The following GPRIN3 variants were observed in gnomAD, a reference collection of about 807,000 sequenced individuals.
GPRIN3 encodes GPRIN family member 3, also known as G protein-regulated inducer of neurite outgrowth 3.
GPRIN3 carries 12 observed loss-of-function variants against 13.7 expected under a neutral mutation model. That is an observed-to-expected ratio of 0.87 (90% CI 0.56 to 1.42). The LOEUF is 1.42. Ranked by LOEUF, GPRIN3 falls within the 40% of genes most tolerant of loss-of-function variation. The pLI, the probability that GPRIN3 is intolerant of heterozygous loss-of-function variation, is 0.00. For synonymous variants in GPRIN3, 377 were observed against 372.7 expected (o/e 1.01, Z -0.13); for missense variants, 1,009 against 958.7 (o/e 1.05, Z -0.69).
chr4:89,264,135 G>T (rs562434945), intron 1 of GPRIN3, among the ~76,000 whole-genome samples: 74 of 152,286 alleles, frequency 4.9e-4, no homozygotes, highest in African/African-American at 1.7e-3. Flanking sequence ...AATCCCCAGT[G>T]TTGGAGGTGG....
At chr4:89,255,329 A>C (rs1242500061) in intron 1 of GPRIN3, among the ~76,000 whole-genome samples, 9 of 152,322 alleles carry the variant, frequency 5.9e-5, no homozygotes, top group Middle Eastern at 3.4e-3. Flanking sequence ...GGCCTTTAGA[A>C]CAAACAGCAA....
At chr4:89,295,851 C>G (rs1485225630) in intron 1 of GPRIN3, among the ~76,000 whole-genome samples, 1 of 151,994 alleles carries the variant, frequency 6.6e-6, no homozygotes, top group Non-Finnish European at 1.5e-5. Context: ...TTTTTTTTAA[C>G]TCAATATTTT....
At chr4:89,278,924 C>T (rs909968429) in intron 1 of GPRIN3, among the ~76,000 whole-genome samples, 2 of 152,182 alleles carry the variant, frequency 1.3e-5, no homozygotes, top group Admixed American at 6.5e-5. Context: ...ATGGTAGAGG[C>T]CTGTCACTGG....
At position 89,243,195 on chromosome 4, in the gene GPRIN3, G is replaced by C. The variant is rs552022495; in HGVS notation, c.*4585C>G. On this transcript the variant is annotated 3_prime_UTR_variant, in exon 2 of 2. Coordinates refer to ENST00000609438, the MANE Select transcript of GPRIN3 (RefSeq NM_198281.3). ...CCAAGGAGAATTGTTTTCTTTCCAA[G>C]AGTAGGATAAAGTTCATGGAAATCT... 3 of 152,158 alleles carry C rather than the reference G, an allele frequency of 2.0e-5. No individual in the cohort carries two copies. The highest frequency in any genetic ancestry group is 7.2e-5 in the African/African-American group (3 of 41,424). 9.4% of individuals were successfully genotyped at this position (152,158 alleles called of 1,614,324 possible). A position where few individuals can be genotyped will look rare whatever the true frequency, so the allele number is the denominator to read the frequency against.
At chr4:89,255,666 G>T (rs189263159) in intron 1 of GPRIN3, among the ~76,000 whole-genome samples, 320 of 152,296 alleles carry the variant, frequency 2.1e-3, no homozygotes, top group Non-Finnish European at 3.1e-3. Context: ...AATTCTTGCT[G>T]AAAGCATGGT....
Position 89,237,259 on chromosome 4 carries a change from A to T in GPRIN3, c.*10521T>A, listed in dbSNP as rs886252043. On this transcript the variant is annotated 3_prime_UTR_variant, in exon 2 of 2. Coordinates refer to ENST00000609438, the MANE Select transcript of GPRIN3 (RefSeq NM_198281.3). ...TGCTAAGGTAGTTACAAGGGTCTAA[A>T]CATTTTAGAACTCTGTCAATTAGCT... 5 of 152,234 alleles carry T rather than the reference A, an allele frequency of 3.3e-5. No homozygotes were observed. Among genetic ancestry groups the T allele is most frequent in the Admixed American group, 6.5e-5 (1 of 15,276 alleles). 9.4% of individuals were successfully genotyped at this position (152,234 alleles called of 1,614,324 possible). A position where few individuals can be genotyped will look rare whatever the true frequency, so the allele number is the denominator to read the frequency against.
chr4:89,277,569 G>T (rs143426612), intron 1 of GPRIN3, among the ~76,000 whole-genome samples: 1 of 152,188 alleles, frequency 6.6e-6, no homozygotes, highest in African/African-American at 2.4e-5. Flanking sequence ...TGTCTTCCCC[G>T]TCTGCCAACT....
Position 89,245,034 on chromosome 4 carries a change from T to C in GPRIN3, c.*2746A>G, listed in dbSNP as rs1723053157. On this transcript the variant is annotated 3_prime_UTR_variant, in exon 2 of 2. Transcript: ENST00000609438. ...CTTCATCTGTTGAATGAACCTTAGG[T>C]TTCACAAATAAGGTATACTAAATGC... 1 of 152,158 alleles carries C rather than the reference T, an allele frequency of 6.6e-6. No homozygotes were observed. The highest frequency in any genetic ancestry group is 2.4e-5 in the African/African-American group (1 of 41,432). The allele number at this position is 152,158 out of a possible 1,614,324, so 9.4% of individuals were successfully genotyped here. A position where few individuals can be genotyped will look rare whatever the true frequency, so the allele number is the denominator to read the frequency against.
intron 1 of GPRIN3, among the ~76,000 whole-genome samples, chr4:89,264,527 C>T (rs1449252554): frequency 6.6e-6 from 1 of 152,170 alleles, no homozygotes; most frequent in Non-Finnish European, 1.5e-5. Flanking sequence ...CTTCTCTTCC[C>T]TGCATACTTG....
chr4:89,270,565 T>TA (rs1553951326), intron 1 of GPRIN3, among the ~76,000 whole-genome samples: 6 of 82,348 alleles, frequency 7.3e-5, no homozygotes, highest in African/African-American at 2.7e-4. Flanking sequence ...TGTATATAAT[T>TA]TATATATATA....
chr4:89,299,010 G>C (rs1054393990), intron 1 of GPRIN3, among the ~76,000 whole-genome samples: 2 of 152,106 alleles, frequency 1.3e-5, no homozygotes, highest in African/African-American at 2.4e-5. Context: ...CAGGGGAATA[G>C]CAGAACAGTT....
At chr4:89,298,304 T>C (rs553046979) in intron 1 of GPRIN3, among the ~76,000 whole-genome samples, 1 of 152,048 alleles carries the variant, frequency 6.6e-6, no homozygotes, top group Admixed American at 6.6e-5. Context: ...ATTAAGGAAG[T>C]GGAGTATGGG....
rs1370655375 is a variant in GPRIN3 at position 89,242,794 on chromosome 4, T to A, written c.*4986A>T. 2 of 152,232 alleles carry A rather than the reference T, an allele frequency of 1.3e-5. No homozygotes were observed. The highest frequency in any genetic ancestry group is 2.9e-5 in the Non-Finnish European group (2 of 68,036). 9.4% of individuals were successfully genotyped at this position (152,232 alleles called of 1,614,324 possible). A position where few individuals can be genotyped will look rare whatever the true frequency, so the allele number is the denominator to read the frequency against. On this transcript the variant is annotated 3_prime_UTR_variant, in exon 2 of 2. Coordinates refer to ENST00000609438, the MANE Select transcript of GPRIN3 (RefSeq NM_198281.3). Reference sequence around the variant, plus strand: ...TCATTATTAGTATCTGAGATATTTGTGTCTTAAAAAAACTTGCAAATAACA... The same window carrying A: ...TCATTATTAGTATCTGAGATATTTGAGTCTTAAAAAAACTTGCAAATAACA...
chr4:89,307,074 C>T (rs1056969731), intron 1 of GPRIN3, among the ~76,000 whole-genome samples: 5 of 152,098 alleles, frequency 3.3e-5, no homozygotes, highest in African/African-American at 1.2e-4. Context: ...TATTAGTGAA[C>T]ATGTCTCTAC....
At chr4:89,286,726 G>C (rs1045160302) in intron 1 of GPRIN3, among the ~76,000 whole-genome samples, 2 of 151,962 alleles carry the variant, frequency 1.3e-5, no homozygotes, top group African/African-American at 4.8e-5. Context: ...TTACATTGAA[G>C]ACACCAAGAC....
chr4:89,255,880 C>G (rs1723451810), intron 1 of GPRIN3, among the ~76,000 whole-genome samples: 1 of 152,228 alleles, frequency 6.6e-6, no homozygotes, highest in Non-Finnish European at 1.5e-5. Flanking sequence ...AGAAATCACA[C>G]AGAAGCTAAT....
intron 1 of GPRIN3, among the ~76,000 whole-genome samples, chr4:89,299,117 T>G (rs985566967): frequency 6.6e-6 from 1 of 152,204 alleles, no homozygotes; most frequent in Non-Finnish European, 1.5e-5. Context: ...TTTTAACACC[T>G]ATGGTCTTTT....
At position 89,239,258 on chromosome 4, in the gene GPRIN3, G is replaced by A. The variant is rs953968520; in HGVS notation, c.*8522C>T. ...TATACCACACTTTTGATCTTTCTTA[G>A]TTGAGTATTTACACACATAAATGAT... is the stretch of plus-strand genomic sequence containing the variant. On this transcript the variant is annotated 3_prime_UTR_variant, in exon 2 of 2. Coordinates refer to ENST00000609438, the MANE Select transcript of GPRIN3 (RefSeq NM_198281.3). The A allele has an allele frequency of 6.6e-6, 1 of 151,764 alleles. No homozygotes were observed. The highest frequency in any genetic ancestry group is 2.4e-5 in the African/African-American group (1 of 41,328). 9.4% of individuals were successfully genotyped at this position (151,764 alleles called of 1,614,324 possible).
rs1383353420 is a variant in GPRIN3 at position 89,240,081 on chromosome 4, T to G, written c.*7699A>C. ...ACTTTTTGATCCCTAATAGAGCACT[T>G]CCTTTGAGAAAAAATGAGATAAATT... is the stretch of plus-strand genomic sequence containing the variant. On this transcript the variant is annotated 3_prime_UTR_variant, in exon 2 of 2. Transcript: ENST00000609438. 1 of 152,138 alleles carries G rather than the reference T, an allele frequency of 6.6e-6. No individual in the cohort carries two copies. Among genetic ancestry groups the G allele is most frequent in the Non-Finnish European group, 1.5e-5 (1 of 68,026 alleles). The allele number at this position is 152,138 out of a possible 1,614,324, so 9.4% of individuals were successfully genotyped here. A position where few individuals can be genotyped will look rare whatever the true frequency, so the allele number is the denominator to read the frequency against.
Sources: gnomAD v4.1 joint callset for allele counts (sites outside exome capture counted in the v4.1 genomes callset) on GRCh38, gnomAD v4.1.1 for gene constraint, MANE v1.5 for transcripts, NCBI Gene and HGNC (gene_info 2026-07-23, HGNC 2026-07-21) for gene names.